Variants in C9 observed in about 807,000 individuals in gnomAD.
C9 encodes the protein complement C9.
C9 carries 63 observed loss-of-function variants against 65.4 expected under a neutral mutation model. That is an observed-to-expected ratio of 0.96 (90% CI 0.79 to 1.19). The LOEUF is 1.19. C9 is among the 50% of genes most tolerant of loss of function. The probability of loss-of-function intolerance (pLI) is 0.00; values close to 1 mark genes in which losing one functional copy is unlikely to be tolerated. For missense variants in C9, 744 were observed against 670.1 expected, an observed-to-expected ratio of 1.11 and a Z score of -1.22; for synonymous variants, 229 against 227.9, an observed-to-expected ratio of 1.00 and a Z score of -0.04.
chr5:39,297,292 A>G (rs1156247131), intron 9 of C9, among the ~76,000 whole-genome samples: 1 of 151,638 alleles, frequency 6.6e-6, no homozygotes, highest in Admixed American at 6.6e-5. Context: ...CTTATATGTC[A>G]GTTTAAAAAA....
chr5:39,341,582 C>T lies in C9; in HGVS notation c.302G>A (p.Cys101Tyr). The T allele has an allele frequency of 6.2e-7, 1 of 1,614,094 alleles. No homozygotes were observed. Among genetic ancestry groups the T allele is most frequent in the Non-Finnish European group, 8.5e-7 (1 of 1,179,962 alleles). Residue 101 changes from cysteine to tyrosine, a missense_variant, in exon 3 of 11, where the codon TGC becomes TAC. Cys to Tyr is a radical substitution (Grantham distance 194). Coordinates refer to ENST00000263408, the MANE Select transcript of C9 (RefSeq NM_001737.5). ...TEPCEDAEDD[C>Y]GNDFQCSTGR... Reference sequence around the variant, plus strand: ...TGTACTGCATTGAAAGTCATTTCCGCAGTCATCCTCAGCATCCTCACAGGG... The same window carrying T: ...TGTACTGCATTGAAAGTCATTTCCGTAGTCATCCTCAGCATCCTCACAGGG...
intron 1 of C9, among the ~76,000 whole-genome samples, chr5:39,350,531 A>C (rs920732964): frequency 5.9e-5 from 9 of 151,506 alleles, no homozygotes; most frequent in Non-Finnish European, 1.2e-4. Context: ...TAAAATCAAA[A>C]ACAAGTTAAT....
At chr5:39,325,581 T>G (rs113809536) in intron 5 of C9, among the ~76,000 whole-genome samples, 2,355 of 152,260 alleles carry the variant, frequency 0.015, 30 homozygotes, top group Admixed American at 0.024. Flanking sequence ...GAGACCAGCC[T>G]GACCAACATG....
Position 39,331,662 on chromosome 5 carries a change from C to T in C9, c.615+14G>A, listed in dbSNP as rs1450716163. The T allele has an allele frequency of 1.2e-6, 2 of 1,613,250 alleles. No individual in the cohort carries two copies. The highest frequency in any genetic ancestry group is 1.7e-5 in the Admixed American group (1 of 60,016). On this transcript the variant is annotated intron_variant, in intron 5 of 10. Transcript: ENST00000263408. The stretch of plus-strand genomic sequence containing the variant: ...CAAAAGTTGAACAATGTGTTTTCCT[C>T]CGAGGAGACTTACTTCATAGATCAA...
At chr5:39,292,408 A>C (rs908732301) in intron 9 of C9, among the ~76,000 whole-genome samples, 1 of 149,784 alleles carries the variant, frequency 6.7e-6, no homozygotes, top group Non-Finnish European at 1.5e-5. Flanking sequence ...ATGTCATTGA[A>C]AAAAATACTT....
chr5:39,359,725 A>G (rs2111990664), intron 1 of C9, among the ~76,000 whole-genome samples: 1 of 152,364 alleles, frequency 6.6e-6, no homozygotes, highest in African/African-American at 2.4e-5. Context: ...TCACAGGAGC[A>G]TCACAGGCCT....
intron 1 of C9, among the ~76,000 whole-genome samples, chr5:39,350,979 A>T (rs1268163663): frequency 1.3e-5 from 2 of 152,200 alleles, no homozygotes; most frequent in Non-Finnish European, 2.9e-5. Flanking sequence ...CCGTCCCTAT[A>T]GCAAACTTCT....
At chr5:39,333,104 G>T (rs10462000) in intron 4 of C9, among the ~76,000 whole-genome samples, 1 of 152,050 alleles carries the variant, frequency 6.6e-6, no homozygotes, top group Non-Finnish European at 1.5e-5. Flanking sequence ...TCAAAAATTA[G>T]ACCTATTAAT....
chr5:39,316,283 C>T (rs1158619844), intron 5 of C9, among the ~76,000 whole-genome samples: 1 of 152,110 alleles, frequency 6.6e-6, no homozygotes, highest in Non-Finnish European at 1.5e-5. Flanking sequence ...ATACCTAGCA[C>T]AAAGGTTCTT....
In C9 at chr5:39,341,714, G is replaced by T. The variant is rs1443399787; in HGVS notation, c.184-14C>A. The stretch of plus-strand genomic sequence containing the variant: ...TCTTGAACGAAACTGCACAATATCA[G>T]TTGGAATGATTAGAATTTCTAATGC... On this transcript the variant is annotated splice_polypyrimidine_tract_variant and intron_variant, in intron 2 of 10. Coordinates refer to ENST00000263408, the MANE Select transcript of C9 (RefSeq NM_001737.5). The T allele has an allele frequency of 1.1e-5, 17 of 1,613,328 alleles. No homozygotes were observed. Among genetic ancestry groups the T allele is most frequent in the Non-Finnish European group, 1.4e-5 (17 of 1,179,344 alleles).
intron 1 of C9, among the ~76,000 whole-genome samples, chr5:39,356,429 G>C (rs575890211): frequency 2.6e-5 from 4 of 152,264 alleles, no homozygotes; most frequent in African/African-American, 9.6e-5. Flanking sequence ...TAGACATCTT[G>C]AGATACAGCA....
At chr5:39,285,389 A>C (rs1486080182) in intron 10 of C9, among the ~76,000 whole-genome samples, 156 bp from the exon 11 acceptor site, 1 of 152,156 alleles carries the variant, frequency 6.6e-6, no homozygotes, top group East Asian at 1.9e-4. Context: ...GGTACAAGGC[A>C]CATTTTCATA....
chr5:39,289,980 T>C (rs1753059587), intron 9 of C9, among the ~76,000 whole-genome samples: 2 of 151,894 alleles, frequency 1.3e-5, no homozygotes, highest in South Asian at 4.1e-4. Flanking sequence ...AAAGTATTTA[T>C]TTGGCACACT....
chr5:39,356,954 C>G (rs1488111855), intron 1 of C9, among the ~76,000 whole-genome samples: 2 of 152,132 alleles, frequency 1.3e-5, no homozygotes, highest in African/African-American at 4.8e-5. Context: ...ATGTGTTTAT[C>G]AAATAAAACG....
intron 8 of C9, among the ~76,000 whole-genome samples, chr5:39,307,906 T>G (rs554485090): frequency 6.6e-6 from 1 of 152,240 alleles, no homozygotes; most frequent in East Asian, 1.9e-4. Flanking sequence ...TTTGGAAGCT[T>G]TGTTAAAATT....
At chr5:39,353,284 TA>T (rs1305840688) in intron 1 of C9, among the ~76,000 whole-genome samples, 2 of 152,236 alleles carry the variant, frequency 1.3e-5, no homozygotes, top group Non-Finnish European at 2.9e-5. Context: ...CTAGATCTGT[TA>T]AATAATAAAT....
intron 3 of C9, 115 bp downstream of exon 3, chr5:39,341,441 T>A: frequency 6.9e-7 from 1 of 1,443,676 alleles, no homozygotes; most frequent in South Asian, 1.2e-5. Flanking sequence ...ATGGCCTCTT[T>A]TGGGGCCTTT....
At chr5:39,298,727 CT>C (rs1753231152) in intron 9 of C9, among the ~76,000 whole-genome samples, 1 of 151,764 alleles carries the variant, frequency 6.6e-6, no homozygotes, top group Non-Finnish European at 1.5e-5. Flanking sequence ...GAAGAATTTA[CT>C]TCTCACTTAT....
At chr5:39,327,612 G>A (rs1753771107) in intron 5 of C9, among the ~76,000 whole-genome samples, 1 of 152,128 alleles carries the variant, frequency 6.6e-6, no homozygotes, top group Non-Finnish European at 1.5e-5. Context: ...AGTAAGATTG[G>A]TTATCAGCTG....
Sources: gnomAD v4.1 joint callset for allele counts (sites outside exome capture counted in the v4.1 genomes callset) on GRCh38, gnomAD v4.1.1 for gene constraint, MANE v1.5 for transcripts, NCBI Gene and HGNC (gene_info 2026-07-23, HGNC 2026-07-21) for gene names.